ELOVL3: variants seen among roughly 807,000 people sequenced by gnomAD.
ELOVL3 encodes the protein ELOVL fatty acid elongase 3, also known as very long chain fatty acid elongase 3.
ELOVL3 carries 11 observed loss-of-function variants against 14.9 expected under a neutral mutation model. That is an observed-to-expected ratio of 0.74 (90% CI 0.46 to 1.22). ELOVL3 has a LOEUF of 1.22. Among genes scored for constraint, ELOVL3 ranks in the 50% most tolerant of loss-of-function variants. The probability of loss-of-function intolerance (pLI) is 0.00; values close to 1 mark genes in which losing one functional copy is unlikely to be tolerated. For synonymous variants in ELOVL3, 117 were observed against 124.7 expected (o/e 0.94, Z 0.41); for missense variants, 277 against 338.9 (o/e 0.82, Z 1.43).
Position 102,229,479 on chromosome 10 carries a change from C to T in ELOVL3, c.*227C>T. 1 of 520,144 alleles carries T rather than the reference C, an allele frequency of 1.9e-6. No homozygotes were observed. The highest frequency in any genetic ancestry group is 3.4e-6 in the Non-Finnish European group (1 of 292,078). 32.2% of individuals were successfully genotyped at this position (520,144 alleles called of 1,614,324 possible). The stretch of plus-strand genomic sequence containing the variant: ...TTTTTAATGTGAAGGCCAAGCAGGC[C>T]CTGGGATGGGAGTGGGGCGGAGGAG... On this transcript the variant is annotated 3_prime_UTR_variant, in exon 4 of 4. Transcript: ENST00000370005.
At chr10:102,225,617 T>TA (rs1459569217), upstream of ELOVL3, among the ~76,000 whole-genome samples, 1 of 152,086 alleles carries the variant, frequency 6.6e-6, no homozygotes, top group Non-Finnish European at 1.5e-5. Context: ...CTTGGGGAGA[T>TA]ACACTGGCTC....
chr10:102,229,194 ACTT>A lies in ELOVL3; in HGVS notation c.761_763del (p.Phe254del), dbSNP rs781605072. 8.7e-6 allele frequency: 14 copies of A among 1,613,984 alleles called. No individual in the cohort carries two copies. The South Asian group carries it at 9.9e-5, about 11-fold the overall frequency. On this transcript the variant is annotated inframe_deletion, in exon 4 of 4. Coordinates refer to ENST00000370005, the MANE Select transcript of ELOVL3 (RefSeq NM_152310.3). Reference sequence around the variant, plus strand: ...ATGACCTATTTCATCCTCTTTGCCCACTTCTTCTGCCAGACCTACATCAGGCCC... The same window carrying A: ...ATGACCTATTTCATCCTCTTTGCCCACTTCTGCCAGACCTACATCAGGCCC...
chr10:102,226,945 T>C (rs575013269), intron 1 of ELOVL3, among the ~76,000 whole-genome samples: 1 of 152,130 alleles, frequency 6.6e-6, no homozygotes, highest in South Asian at 2.1e-4. Flanking sequence ...GAAGCCTTAC[T>C]AGATGACTTC....
Position 102,229,344 on chromosome 10 carries a change from T to A in ELOVL3, c.*92T>A. On this transcript the variant is annotated 3_prime_UTR_variant, in exon 4 of 4. Coordinates refer to ENST00000370005, the MANE Select transcript of ELOVL3 (RefSeq NM_152310.3). ...TTTTGGGAGAATGATTAGGTTGCCT[T>A]ACCTGCATGGTTTCCCCAGAGGATG... is the stretch of plus-strand genomic sequence containing the variant. 1 of 1,267,766 alleles carries A rather than the reference T, an allele frequency of 7.9e-7. No individual in the cohort carries two copies. The highest frequency in any genetic ancestry group is 1.1e-6 in the Non-Finnish European group (1 of 926,934). The allele number at this position is 1,267,766 out of a possible 1,614,324, so 78.5% of individuals were successfully genotyped here. A position where few individuals can be genotyped will look rare whatever the true frequency, so the allele number is the denominator to read the frequency against.
chr10:102,224,917 C>T (rs2070125771), upstream of ELOVL3, among the ~76,000 whole-genome samples: 2 of 152,088 alleles, frequency 1.3e-5, no homozygotes, highest in Non-Finnish European at 2.9e-5. Context: ...CCCGCCTCGG[C>T]CTCCCAAGGT....
chr10:102,228,945 G>A lies in ELOVL3; in HGVS notation c.506G>A (p.Trp169Ter). Residue 169 changes from tryptophan to a stop codon, truncating the protein, a stop_gained, in exon 4 of 4, where the codon TGG becomes TAG. Transcript: ENST00000370005. LOFTEE classifies it low-confidence loss of function (END_TRUNC). The part of the protein sequence containing the change: ...GYKNKVPAGG[W>*]FVTMNFGVHA... The stretch of plus-strand genomic sequence containing the variant: ...AAGAACAAAGTGCCTGCAGGAGGCT[G>A]GTTCGTCACCATGAACTTTGGTGTT... The A allele has an allele frequency of 6.2e-7, 1 of 1,614,164 alleles. No homozygotes were observed. Among genetic ancestry groups the A allele is most frequent in the Non-Finnish European group, 8.5e-7 (1 of 1,180,042 alleles).
chr10:102,224,818 A>G (rs2070124781), upstream of ELOVL3, among the ~76,000 whole-genome samples: 1 of 151,648 alleles, frequency 6.6e-6, no homozygotes, highest in Non-Finnish European at 1.5e-5. Context: ...GCCTGCCACC[A>G]CGCCCGGCTA....
chr10:102,228,877 GT>G lies in ELOVL3; in HGVS notation c.439del (p.Tyr147ThrfsTer27). ...RKRPLIFIHW[Y>X]HHSTVLVYTS... ...AGCGGCCACTCATCTTTATTCACTG[GT>G]ACCACCACAGCACAGTGCTCGTGTA... On this transcript the variant is annotated frameshift_variant, in exon 4 of 4. Transcript: ENST00000370005. LOFTEE classifies it low-confidence loss of function (END_TRUNC). 1.2e-6 allele frequency: 2 copies of G among 1,614,004 alleles called. No individual in the cohort carries two copies. Among genetic ancestry groups the G allele is most frequent in the Non-Finnish European group, 1.7e-6 (2 of 1,179,988 alleles).
Position 102,229,137 on chromosome 10 carries a change from T to C in ELOVL3, c.698T>C (p.Met233Thr), listed in dbSNP as rs1244125014. Residue 233 changes from methionine to threonine, a missense_variant, in exon 4 of 4, where the codon ATG (methionine) becomes ACG (threonine). Coordinates refer to ENST00000370005, the MANE Select transcript of ELOVL3 (RefSeq NM_152310.3). ...CAGGATCAGGGATGCCACACCACGA[T>C]GGAACACTTATTCTGGTCCTTCATC... ...WRQDQGCHTT[M>T]EHLFWSFILY... is the part of the protein sequence containing the mutation. 2 of 1,614,126 alleles carry C rather than the reference T, an allele frequency of 1.2e-6. No homozygotes were observed. Among genetic ancestry groups the C allele is most frequent in the Non-Finnish European group, 8.5e-7 (1 of 1,180,032 alleles).
At position 102,226,544 on chromosome 10, in the gene ELOVL3, A is replaced by G; in HGVS notation, c.-5A>G. 4 of 1,612,158 alleles carry G rather than the reference A, an allele frequency of 2.5e-6. No homozygotes were observed. The highest frequency in any genetic ancestry group is 3.4e-6 in the Non-Finnish European group (4 of 1,178,488). On this transcript the variant is annotated 5_prime_UTR_variant, in exon 1 of 4. Transcript: ENST00000370005. ...AGCTTTGGACCTTGACTTCTGCAAA[A>G]CTAGATGGTCACAGCCATGAATGTC...
Position 102,227,718 on chromosome 10 carries a change from G to T in ELOVL3, c.194G>T (p.Gly65Val). The T allele has an allele frequency of 6.2e-7, 1 of 1,613,514 alleles. No homozygotes were observed. The highest frequency in any genetic ancestry group is 8.5e-7 in the Non-Finnish European group (1 of 1,179,822). The change falls in exon 2 of 4, where the codon GGG becomes GTG. Residue 65 changes from glycine to valine, a missense_variant. Coordinates refer to ENST00000370005, the MANE Select transcript of ELOVL3 (RefSeq NM_152310.3). ...GAACGCAAGGGCTTCAACCTGCAAG[G>T]GCCTCTCATCCTCTGGTCCTTCTGC... ...MKERKGFNLQ[G>V]PLILWSFCLA... is the part of the protein sequence containing the mutation.
Position 102,229,013 on chromosome 10 carries a change from G to C in ELOVL3, c.574G>C (p.Val192Leu). ...YTYYTLKAAN[V>L]KPPKMLPMLI... ...CTACTACACTCTGAAGGCTGCCAAC[G>C]TGAAGCCCCCCAAGATGCTGCCCAT... Residue 192 changes from valine (V) to leucine (L), a missense_variant, in exon 4 of 4, where the codon GTG becomes CTG. Coordinates refer to ENST00000370005, the MANE Select transcript of ELOVL3 (RefSeq NM_152310.3). 1.9e-6 allele frequency: 3 copies of C among 1,614,134 alleles called. No individual in the cohort carries two copies. Among genetic ancestry groups the C allele is most frequent in the Non-Finnish European group, 8.5e-7 (1 of 1,180,030 alleles).
At chr10:102,228,674 C>A in intron 3 of ELOVL3, 106 bp downstream of exon 3, 1 of 1,453,784 alleles carries the variant, frequency 6.9e-7, no homozygotes. Context: ...CCTTGGGTCC[C>A]AATAATACCT....
intron 1 of ELOVL3, among the ~76,000 whole-genome samples, chr10:102,226,922 G>A (rs1202031719): frequency 2.6e-5 from 4 of 151,830 alleles, no homozygotes. Flanking sequence ...TCTTGGAGGC[G>A]TGAGGTTGAT....
chr10:102,225,644 C>G (rs11597950), upstream of ELOVL3, among the ~76,000 whole-genome samples: 1 of 152,224 alleles, frequency 6.6e-6, no homozygotes, highest in South Asian at 2.1e-4. Flanking sequence ...TCCCTAAACC[C>G]TAAGAGGCCT....
chr10:102,227,787 C>T, intron 2 of ELOVL3, 30 bp downstream of exon 2: 1 of 1,610,800 alleles, frequency 6.2e-7, no homozygotes, highest in Non-Finnish European at 8.5e-7. Context: ...CCTGCCTCTT[C>T]TCTAGATCTT....
At chr10:102,227,588 C>G (rs1395856269) in intron 1 of ELOVL3, 38 bp from the exon 2 acceptor site, 5 of 1,596,652 alleles carry the variant, frequency 3.1e-6, no homozygotes, top group Non-Finnish European at 1.7e-6. Flanking sequence ...TAATCAGCAC[C>G]CACCCATGAG....
At chr10:102,225,791 AAACATC>A (rs1388093474), upstream of ELOVL3, among the ~76,000 whole-genome samples, 1 of 152,176 alleles carries the variant, frequency 6.6e-6, no homozygotes, top group African/African-American at 2.4e-5. Flanking sequence ...TCAACAACCC[AAACATC>A]AACATCAACA....
At chr10:102,228,752 G>A (rs1404865509) in intron 3 of ELOVL3, 73 bp from the exon 4 acceptor site, 46 of 1,489,082 alleles carry the variant, frequency 3.1e-5, no homozygotes, top group South Asian at 2.4e-4. Flanking sequence ...AATTTCTCCC[G>A]TGTCCCTACA....
Sources: allele counts gnomAD v4.1 joint callset (sites outside exome capture counted in the v4.1 genomes callset), GRCh38; gene constraint gnomAD v4.1.1; transcripts MANE v1.5; gene names NCBI Gene and HGNC (gene_info 2026-07-23, HGNC 2026-07-21).